Variants in IL17RD observed in about 807,000 individuals in gnomAD.
IL17RD encodes interleukin 17 receptor D.
IL17RD carries 52 observed loss-of-function variants against 80.5 expected under a neutral mutation model. That is an observed-to-expected ratio of 0.65 (90% confidence interval 0.52 to 0.81). The LOEUF is 0.81. Ranked by LOEUF, IL17RD falls within the 40% of genes least tolerant of loss-of-function variation. The probability of loss-of-function intolerance (pLI) is 0.00; values close to 1 mark genes in which losing one functional copy is unlikely to be tolerated. For missense variants in IL17RD, 1,024 were observed against 955.1 expected (o/e 1.07, Z -0.95); for synonymous variants, 416 against 391.8 (o/e 1.06, Z -0.73).
chr3:57,128,641 C>T (rs576378623), intron 1 of IL17RD, among the ~76,000 whole-genome samples: 2 of 150,930 alleles, frequency 1.3e-5, no homozygotes, highest in South Asian at 4.2e-4. Flanking sequence ...GTTGTTTCTC[C>T]GACAGCAACT....
Position 57,097,746 on chromosome 3 carries a change from C to G in IL17RD, c.1957G>C (p.Gly653Arg). ...TCCCGCGGCATGTCCGAGGGGCTGC[C>G]GGCTTTCACCGTGTGCAGCAGGGGT... is the stretch of plus-strand genomic sequence containing the variant. The part of the protein sequence containing the change: ...LQPLLHTVKA[G>R]SPSDMPRDSG... Residue 653 changes from glycine (G) to arginine (R), a missense_variant, in exon 12 of 13, where the codon GGC becomes CGC. Coordinates refer to ENST00000296318, the MANE Select transcript of IL17RD (RefSeq NM_017563.5). 6 of 1,601,588 alleles carry G rather than the reference C, an allele frequency of 3.7e-6. No homozygotes were observed. Among genetic ancestry groups the G allele is most frequent in the Non-Finnish European group, 5.1e-6 (6 of 1,173,164 alleles).
chr3:57,149,457 A>C (rs1322513696), intron 1 of IL17RD, among the ~76,000 whole-genome samples: 1 of 152,156 alleles, frequency 6.6e-6, no homozygotes, highest in African/African-American at 2.4e-5. Flanking sequence ...GGGATGACTT[A>C]CTATTGTCCC....
chr3:57,170,272 C>G (rs1198418390), upstream of IL17RD: 2 of 152,298 alleles, frequency 1.3e-5, no homozygotes, highest in African/African-American at 2.4e-5. Flanking sequence ...ACGGCCACTT[C>G]CCGTTTCTTT....
At chr3:57,146,017 G>A (rs555055324) in intron 1 of IL17RD, among the ~76,000 whole-genome samples, 12 of 144,876 alleles carry the variant, frequency 8.3e-5, no homozygotes, top group South Asian at 2.2e-4. Context: ...AAGCGTGCGC[G>A]CACACACACA....
At chr3:57,132,987 C>A (rs1162192015) in intron 1 of IL17RD, among the ~76,000 whole-genome samples, 2 of 152,042 alleles carry the variant, frequency 1.3e-5, no homozygotes, top group Non-Finnish European at 2.9e-5. Context: ...TGTGCATGAG[C>A]CACTATGAAG....
In IL17RD at chr3:57,098,188, A is replaced by T; in HGVS notation, c.1515T>A (p.Pro505=). 6.2e-7 allele frequency: 1 copy of T among 1,613,924 alleles called. No homozygotes were observed. Among genetic ancestry groups the T allele is most frequent in the South Asian group, 1.1e-5 (1 of 91,074 alleles). ...STKYRLMDNL[P]QLCSHLHSRD... is the part of the protein sequence containing the mutation. ...GGGAGTGCAAGTGGGAACAGAGCTGAGGAAGATTGTCCATGAGTCTGTACT... is the reference window on the plus strand; with the variant it reads ...GGGAGTGCAAGTGGGAACAGAGCTGTGGAAGATTGTCCATGAGTCTGTACT... The change falls in exon 12 of 13, where the codon CCT becomes CCA. Residue 505 remains proline, a synonymous_variant. Transcript: ENST00000296318.
At chr3:57,104,745 A>G (rs760502688) in intron 7 of IL17RD, among the ~76,000 whole-genome samples, 12 of 152,220 alleles carry the variant, frequency 7.9e-5, no homozygotes, top group Non-Finnish European at 1.8e-4. Context: ...GTGTTTATAC[A>G]TATTTTATTT....
chr3:57,101,490 C>A (rs2291461), intron 10 of IL17RD, 127 bp from the exon 11 acceptor site: 1 of 575,604 alleles, frequency 1.7e-6, no homozygotes, highest in South Asian at 2.6e-5. Flanking sequence ...TTCCCCAACT[C>A]CATCAGCCCC....
chr3:57,109,480 C>T, intron 5 of IL17RD, 57 bp downstream of exon 5: 3 of 1,581,436 alleles, frequency 1.9e-6, no homozygotes, highest in Non-Finnish European at 2.6e-6. Flanking sequence ...GTAGAAAAAT[C>T]ATTAAAAGCG....
At chr3:57,123,264 C>T (rs2107502221) in intron 1 of IL17RD, among the ~76,000 whole-genome samples, 1 of 152,322 alleles carries the variant, frequency 6.6e-6, no homozygotes, top group East Asian at 1.9e-4. Flanking sequence ...AGGTCTTGAC[C>T]TCAAGGGGCT....
At chr3:57,131,989 C>A (rs574105006) in intron 1 of IL17RD, among the ~76,000 whole-genome samples, 1 of 151,944 alleles carries the variant, frequency 6.6e-6, no homozygotes, top group African/African-American at 2.4e-5. Context: ...AGTTTAAGAC[C>A]AGCCTGGGCA....
chr3:57,157,706 G>A (rs1363745843), intron 1 of IL17RD, among the ~76,000 whole-genome samples: 12 of 152,202 alleles, frequency 7.9e-5, no homozygotes, highest in African/African-American at 1.9e-4. Flanking sequence ...AAAGGGGGCC[G>A]TTTTGGGAGA....
At chr3:57,165,404 A>T (rs2060342282), upstream of IL17RD, 2 of 840,918 alleles carry the variant, frequency 2.4e-6, no homozygotes, top group East Asian at 5.2e-5. Context: ...CGCACTGGGC[A>T]TGCGTTGCCA....
At chr3:57,154,181 C>T (rs1407856667) in intron 1 of IL17RD, among the ~76,000 whole-genome samples, 1 of 151,034 alleles carries the variant, frequency 6.6e-6, no homozygotes, top group Non-Finnish European at 1.5e-5. Context: ...CCCAGGAGTT[C>T]AAGGCTGCAA....
intron 1 of IL17RD, among the ~76,000 whole-genome samples, chr3:57,131,923 C>T (rs533514078): frequency 1.8e-4 from 28 of 152,370 alleles, no homozygotes; most frequent in Admixed American, 1.3e-3. Context: ...TGGTGGCTCA[C>T]ACCTGTAATC....
chr3:57,101,274 T>TCGGCCG lies in IL17RD; in HGVS notation c.1063_1068dup (p.Arg355_Pro356dup). 3.1e-6 allele frequency: 5 copies of TCGGCCG among 1,613,422 alleles called. No homozygotes were observed. Among genetic ancestry groups the TCGGCCG allele is most frequent in the Non-Finnish European group, 4.2e-6 (5 of 1,179,466 alleles). ...TTACTGGAATAGCAGAGAAAGACCTTCGGCCGCGGCCGGAGCCTCTCTCTT... is the reference window on the plus strand; with the variant it reads ...TTACTGGAATAGCAGAGAAAGACCTTCGGCCGCGGCCGCGGCCGGAGCCTCTCTCTT... On this transcript the variant is annotated inframe_insertion, in exon 11 of 13. Coordinates refer to ENST00000296318, the MANE Select transcript of IL17RD (RefSeq NM_017563.5).
upstream of IL17RD, chr3:57,169,364 C>A: frequency 2.4e-6 from 1 of 412,924 alleles, no homozygotes; most frequent in Non-Finnish European, 4.9e-6. Context: ...GGGCAAGAGA[C>A]TGTCACCACC....
intron 1 of IL17RD, among the ~76,000 whole-genome samples, chr3:57,127,410 ATAT>A (rs1471484101): frequency 4.7e-5 from 4 of 85,994 alleles, no homozygotes; most frequent in African/African-American, 1.9e-4. Flanking sequence ...ATATATATAT[ATAT>A]TTTTTTTTTG....
At chr3:57,109,496 A>G (rs1444772570) in intron 5 of IL17RD, 41 bp downstream of exon 5, 1 of 1,589,826 alleles carries the variant, frequency 6.3e-7, no homozygotes, top group Admixed American at 1.9e-5. Context: ...AAGCGGAGAA[A>G]AGTCTTCTCA....
Sources: allele counts gnomAD v4.1 joint callset (sites outside exome capture counted in the v4.1 genomes callset), GRCh38; gene constraint gnomAD v4.1.1; transcripts MANE v1.5; gene names NCBI Gene and HGNC (gene_info 2026-07-23, HGNC 2026-07-21).